ITPRID1: variants seen among roughly 807,000 people sequenced by gnomAD.
ITPRID1 encodes the protein ITPR interacting domain containing 1, also known as protein ITPRID1.
A neutral mutation model predicts 95.4 loss-of-function variants in ITPRID1; 96 were observed. That is an observed-to-expected ratio of 1.01 (90% confidence interval 0.85 to 1.19). The LOEUF is 1.19. ITPRID1 is among the 50% of genes most tolerant of loss of function. The pLI is 0.00. For synonymous variants in ITPRID1, 510 were observed against 453.6 expected (o/e 1.12, Z -1.58); for missense variants, 1,339 against 1,252.9 (o/e 1.07, Z -1.04).
At chr7:31,522,948 A>G (rs2128127733) in intron 1 of ITPRID1, among the ~76,000 whole-genome samples, 1 of 152,340 alleles carries the variant, frequency 6.6e-6, no homozygotes, top group South Asian at 2.1e-4. Flanking sequence ...GTACGTATTC[A>G]AATCCTGCCA....
intron 1 of ITPRID1, among the ~76,000 whole-genome samples, chr7:31,526,302 T>A (rs142263131): frequency 2.4e-4 from 36 of 152,356 alleles, no homozygotes; most frequent in Non-Finnish European, 4.9e-4. Context: ...CAACTTATGA[T>A]GGGTTTATTG....
In ITPRID1 at chr7:31,654,357, G is replaced by A. The variant is rs1791188031; in HGVS notation, c.*1528G>A. Among the ~76,000 whole-genome samples, 1 of 152,054 alleles carries A rather than the reference G, an allele frequency of 6.6e-6. No individual in the cohort carries two copies. The highest frequency in any genetic ancestry group is 2.1e-4 in the South Asian group (1 of 4,822). On this transcript the variant is annotated 3_prime_UTR_variant, in exon 15 of 15. Transcript: ENST00000615280. Reference sequence around the variant, plus strand: ...CGGTGGGGCATGGAGATGGAGGGAGGGGAAGGCTGAGAGGGGATCGGTCAG... The same window carrying A: ...CGGTGGGGCATGGAGATGGAGGGAGAGGAAGGCTGAGAGGGGATCGGTCAG...
At chr7:31,600,614 C>T (rs1786352665) in intron 10 of ITPRID1, among the ~76,000 whole-genome samples, 1 of 152,218 alleles carries the variant, frequency 6.6e-6, no homozygotes, top group South Asian at 2.1e-4. Context: ...AAGCCCAACT[C>T]TTTCCCATGA....
intron 10 of ITPRID1, among the ~76,000 whole-genome samples, chr7:31,607,923 T>C (rs1314086975): frequency 1.3e-5 from 2 of 152,062 alleles, no homozygotes; most frequent in Non-Finnish European, 2.9e-5. Context: ...AAGTTTATGT[T>C]CTCAGAATGT....
chr7:31,569,059 CTAAA>C (rs981146746), intron 5 of ITPRID1, among the ~76,000 whole-genome samples: 1 of 152,098 alleles, frequency 6.6e-6, no homozygotes, highest in Non-Finnish European at 1.5e-5. Context: ...TAAGTTAGTG[CTAAA>C]TAGTCAATGT....
chr7:31,532,047 A>G (rs1440519103), intron 1 of ITPRID1, among the ~76,000 whole-genome samples: 1 of 152,182 alleles, frequency 6.6e-6, no homozygotes, highest in Non-Finnish European at 1.5e-5. Context: ...GACAGGAAGA[A>G]CATAATCATC....
intron 10 of ITPRID1, among the ~76,000 whole-genome samples, chr7:31,620,669 A>G (rs38345): frequency 0.97 from 138,612 of 142,826 alleles, 67,261 homozygotes; most frequent in East Asian, 0.98. Flanking sequence ...AAAAAACAGA[A>G]CAGAAAAACT....
chr7:31,591,425 T>A (rs1785860838), intron 10 of ITPRID1, among the ~76,000 whole-genome samples: 1 of 152,126 alleles, frequency 6.6e-6, no homozygotes, highest in Admixed American at 6.5e-5. Context: ...GCTTTGAGAA[T>A]CAACAATGAG....
chr7:31,580,663 A>G (rs1443680996), intron 9 of ITPRID1, among the ~76,000 whole-genome samples: 1 of 113,156 alleles, frequency 8.8e-6, no homozygotes, highest in African/African-American at 3.8e-5. Context: ...TCAGACACCA[A>G]AATAAAGCAA....
intron 1 of ITPRID1, among the ~76,000 whole-genome samples, chr7:31,540,162 T>C (rs139887447): frequency 1.3e-5 from 2 of 152,262 alleles, no homozygotes; most frequent in South Asian, 2.1e-4. Context: ...TGGTCTCAGA[T>C]TGACTGTAGG....
chr7:31,572,002 G>A (rs1187339280), intron 6 of ITPRID1, 100 bp from the exon 7 acceptor site: 2 of 742,458 alleles, frequency 2.7e-6, no homozygotes, highest in Non-Finnish European at 2.3e-6. Context: ...AGACTAAGAG[G>A]AAATGCAAAT....
At chr7:31,599,657 TTCCTTTCTCTC>T (rs1786289234) in intron 10 of ITPRID1, among the ~76,000 whole-genome samples, 8 of 11,050 alleles carry the variant, frequency 7.2e-4, no homozygotes, top group South Asian at 0.01. Flanking sequence ...TTTTCTTTCT[TTCCTTTCTCTC>T]TCTCTCTCTC....
At position 31,652,851 on chromosome 7, in the gene ITPRID1, T is replaced by C. The variant is rs1170873489; in HGVS notation, c.*22T>C. On this transcript the variant is annotated 3_prime_UTR_variant, in exon 15 of 15. Transcript: ENST00000615280. ...CTAGATCAGAGCAGGTTTGTTAACC[T>C]TCATACAAAATATAAAGGCCCAGAA... is the stretch of plus-strand genomic sequence containing the variant. The C allele has an allele frequency of 6.3e-7, 1 of 1,598,914 alleles. No individual in the cohort carries two copies. The highest frequency in any genetic ancestry group is 1.7e-5 in the Admixed American group (1 of 59,338).
chr7:31,649,655 G>A (rs1239957660), intron 12 of ITPRID1, among the ~76,000 whole-genome samples: 6 of 152,066 alleles, frequency 3.9e-5, no homozygotes, highest in Non-Finnish European at 1.5e-5. Flanking sequence ...ATGGCTTTAG[G>A]GCCTAACAAG....
intron 10 of ITPRID1, among the ~76,000 whole-genome samples, chr7:31,631,482 A>G (rs1033427192): frequency 6.6e-6 from 1 of 152,172 alleles, no homozygotes; most frequent in African/African-American, 2.4e-5. Flanking sequence ...AATGATCTTT[A>G]TTTTTTATTT....
In ITPRID1 at chr7:31,652,701, G is replaced by A; in HGVS notation, c.3007G>A (p.Ala1003Thr). The A allele has an allele frequency of 6.2e-7, 1 of 1,613,960 alleles. No individual in the cohort carries two copies. The highest frequency in any genetic ancestry group is 1.6e-4 in the Middle Eastern group (1 of 6,062). The change falls in exon 15 of 15, where the codon GCC becomes ACC. Residue 1003 changes from alanine to threonine, a missense_variant. By Grantham distance (58) the Ala-to-Thr change is moderately conservative. Transcript: ENST00000615280. ...CTGTTCAGGTGGGACCCAGTTGGCT[G>A]CCTTCACTCCACCCACCTTGGAGAA... ...APCSGGTQLA[A>T]FTPPTLENST...
downstream of ITPRID1, chr7:31,658,589 G>A (rs1213049646): frequency 1.2e-5 from 4 of 344,486 alleles, no homozygotes; most frequent in Non-Finnish European, 1.5e-5. Context: ...TGTTCATGAT[G>A]TGCGAGAATT....
At chr7:31,609,347 CTT>C (rs901526179) in intron 10 of ITPRID1, among the ~76,000 whole-genome samples, 1 of 151,530 alleles carries the variant, frequency 6.6e-6, no homozygotes, top group South Asian at 2.1e-4. Flanking sequence ...TGTCCTCTCT[CTT>C]ATATCTTTTG....
Position 31,560,848 on chromosome 7 carries a change from C to T in ITPRID1, c.256+5947C>T, listed in dbSNP as rs966204250. ...AAATCTGGAGTTCAGAGGAAAGGTC[C>T]GGGAATAGATATATACATTTGGGAG... On this transcript the variant is annotated intron_variant, in intron 5 of 14. Coordinates refer to ENST00000615280, the MANE Select transcript of ITPRID1 (RefSeq NM_001257967.3). 1.4e-4 allele frequency among the ~76,000 whole-genome samples: 21 copies of T among 152,054 alleles called. No homozygotes were observed. In the East Asian group the frequency reaches 3.1e-3, roughly 22 times the overall value.
Sources: allele counts gnomAD v4.1 joint callset (sites outside exome capture counted in the v4.1 genomes callset), GRCh38; gene constraint gnomAD v4.1.1; transcripts MANE v1.5; gene names NCBI Gene and HGNC (gene_info 2026-07-23, HGNC 2026-07-21).